The following SOX6 variants were observed in gnomAD, a reference collection of about 807,000 sequenced individuals.
The protein encoded by SOX6 is transcription factor SOX-6.
A neutral mutation model predicts 97.8 loss-of-function variants in SOX6; 11 were observed. That is an observed-to-expected ratio of 0.11 (90% CI 0.07 to 0.19). SOX6 has a LOEUF of 0.19. Among genes scored for constraint, SOX6 ranks in the 10% least tolerant of loss-of-function variants. SOX6 has a pLI of 1.00. For missense variants in SOX6, 810 were observed against 1,039.5 expected (o/e 0.78, Z 3.04); for synonymous variants, 360 against 371.4 (o/e 0.97, Z 0.35).
intron 4 of SOX6, among the ~76,000 whole-genome samples, chr11:16,213,685 A>G (rs1309467080): frequency 1.3e-5 from 2 of 152,196 alleles, no homozygotes; most frequent in African/African-American, 4.8e-5. Flanking sequence ...ATTTCTGTAT[A>G]TAAGTTATGA....
At chr11:16,644,583 T>TGG (rs534231257) in intron 3 of SOX6, among the ~76,000 whole-genome samples, 2 of 151,886 alleles carry the variant, frequency 1.3e-5, no homozygotes, top group African/African-American at 4.9e-5. Context: ...CCAAGGTTAT[T>TGG]GGGGGGGTAG....
intron 3 of SOX6, among the ~76,000 whole-genome samples, chr11:16,671,711 C>G (rs1393888021): frequency 6.6e-6 from 1 of 152,222 alleles, no homozygotes; most frequent in African/African-American, 2.4e-5. Flanking sequence ...AAGCAAACAA[C>G]TTGGAAAACA....
chr11:16,081,593 G>A (rs543346738), intron 9 of SOX6, among the ~76,000 whole-genome samples: 7 of 152,200 alleles, frequency 4.6e-5, no homozygotes, highest in African/African-American at 1.7e-4. Context: ...TATTTATGTC[G>A]CTATGCAGCT....
chr11:16,172,942 G>A (rs1042661659), intron 6 of SOX6, among the ~76,000 whole-genome samples: 1 of 151,868 alleles, frequency 6.6e-6, no homozygotes, highest in Non-Finnish European at 1.5e-5. Flanking sequence ...ACATAAGAGT[G>A]AGAAGAACAA....
chr11:16,658,569 G>A (rs985505249), intron 3 of SOX6, among the ~76,000 whole-genome samples: 2 of 152,080 alleles, frequency 1.3e-5, no homozygotes, highest in African/African-American at 4.8e-5. Context: ...TTAGCCAGGC[G>A]TGGTGGCGGG....
chr11:16,594,684 CTTTT>C (rs10653599), intron 4 of SOX6, among the ~76,000 whole-genome samples: 1 of 68,264 alleles, frequency 1.5e-5, no homozygotes, highest in Non-Finnish European at 2.4e-5. Context: ...TCGGTTTTTG[CTTTT>C]TTTTTTTTTT....
chr11:16,731,153 G>A (rs550094849), intron 2 of SOX6, among the ~76,000 whole-genome samples: 18 of 149,826 alleles, frequency 1.2e-4, no homozygotes, highest in Middle Eastern at 6.8e-3. Context: ...ATTCACAGCC[G>A]AATTCTACCA....
intron 3 of SOX6, among the ~76,000 whole-genome samples, chr11:16,713,999 T>C (rs1848199464): frequency 6.6e-6 from 1 of 152,176 alleles, no homozygotes; most frequent in Non-Finnish European, 1.5e-5. Flanking sequence ...AGCTAGAAAA[T>C]ATAACCTCCA....
intron 3 of SOX6, among the ~76,000 whole-genome samples, chr11:16,666,968 GGCTCAT>G (rs1304584353): frequency 4.6e-5 from 7 of 152,160 alleles, no homozygotes; most frequent in African/African-American, 1.7e-4. Flanking sequence ...TGGGCATGGT[GGCTCAT>G]GCCTATAATC....
chr11:16,368,356 C>T (rs1819665668), intron 1 of SOX6, among the ~76,000 whole-genome samples: 1 of 152,116 alleles, frequency 6.6e-6, no homozygotes, highest in South Asian at 2.1e-4. Flanking sequence ...GTGGCACACA[C>T]CTGTAGTCCC....
In SOX6 at chr11:16,730,763, G is replaced by C. The variant is rs1161587129; in HGVS notation, n.353+5576C>G. Among the ~76,000 whole-genome samples the C allele has an allele frequency of 2.6e-5, 4 of 151,026 alleles. No individual in the cohort carries two copies. The East Asian group carries it at 7.7e-4, about 29-fold the overall frequency. ...CTAAGATGAGAGAAGAACTGAAGGA[G>C]ACAGAGACATGAAAAACCCTTCAAA... On this transcript the variant is annotated intron_variant and non_coding_transcript_variant, in intron 2 of 5. Coordinates refer to the SOX6 transcript ENST00000524520.
chr11:16,717,734 AAGAAGTATTGATTCCTTCT>A (rs1470796215), intron 2 of SOX6, among the ~76,000 whole-genome samples: 1 of 152,152 alleles, frequency 6.6e-6, no homozygotes, highest in East Asian at 1.9e-4. Context: ...TAGCACAATC[AAGAAGTATTGATTCCTTCT>A]AGAAATGCAC....
chr11:15,995,734 A>C (rs1420960440), intron 13 of SOX6, among the ~76,000 whole-genome samples: 1 of 152,168 alleles, frequency 6.6e-6, no homozygotes, highest in Non-Finnish European at 1.5e-5. Flanking sequence ...AATTCCAGAG[A>C]AAAGGGACAT....
chr11:16,303,985 C>G (rs2134278318), intron 3 of SOX6, among the ~76,000 whole-genome samples: 1 of 152,078 alleles, frequency 6.6e-6, no homozygotes. Flanking sequence ...GGTGCGATCT[C>G]GGCTCACTGC....
At chr11:16,537,683 A>G (rs1431833382) in intron 4 of SOX6, among the ~76,000 whole-genome samples, 1 of 152,216 alleles carries the variant, frequency 6.6e-6, no homozygotes. Context: ...ATGGATACAC[A>G]AGCTTCAATA....
intron 4 of SOX6, among the ~76,000 whole-genome samples, chr11:16,490,872 T>C (rs998680668): frequency 6.6e-6 from 1 of 152,090 alleles, no homozygotes; most frequent in African/African-American, 2.4e-5. Flanking sequence ...TTTATAATGG[T>C]ACACCCAACA....
chr11:16,394,468 T>C (rs1394422009), intron 1 of SOX6, among the ~76,000 whole-genome samples: 1 of 151,938 alleles, frequency 6.6e-6, no homozygotes, highest in Non-Finnish European at 1.5e-5. Flanking sequence ...TCTTTTAGCC[T>C]TGGACTTAAT....
intron 3 of SOX6, among the ~76,000 whole-genome samples, chr11:16,706,690 GA>G (rs1469191239): frequency 6.7e-6 from 1 of 150,266 alleles, no homozygotes; most frequent in African/African-American, 2.5e-5. Context: ...GTTGGGTCTG[GA>G]GGGGGAGAGG....
At chr11:16,033,158 T>C (rs968833417) in intron 12 of SOX6, among the ~76,000 whole-genome samples, 3 of 152,186 alleles carry the variant, frequency 2.0e-5, no homozygotes, top group African/African-American at 7.2e-5. Flanking sequence ...CATCAAATGG[T>C]GAGCACTTCC....
Sources: gnomAD v4.1 joint callset for allele counts (sites outside exome capture counted in the v4.1 genomes callset) on GRCh38, gnomAD v4.1.1 for gene constraint, MANE v1.5 for transcripts, NCBI Gene and HGNC (gene_info 2026-07-23, HGNC 2026-07-21) for gene names.